Variants in DOCK3 observed in about 807,000 individuals in gnomAD.
The protein encoded by DOCK3 is dedicator of cytokinesis 3, also known as dedicator of cytokinesis protein 3.
Under a neutral mutation model 265.6 loss-of-function variants are expected in DOCK3, and 60 were observed. That is an observed-to-expected ratio of 0.23 (90% confidence interval 0.18 to 0.28). DOCK3 has a LOEUF of 0.28. DOCK3 is among the 10% of genes least tolerant of loss of function. The pLI is 1.00. For missense variants in DOCK3, 1,981 were observed against 2,594.3 expected, an observed-to-expected ratio of 0.76 and a Z score of 5.14; for synonymous variants, 881 against 938.0, an observed-to-expected ratio of 0.94 and a Z score of 1.11.
intron 1 of DOCK3, among the ~76,000 whole-genome samples, chr3:50,703,968 T>C (rs2036223024): frequency 6.6e-6 from 1 of 152,128 alleles, no homozygotes; most frequent in Non-Finnish European, 1.5e-5. Context: ...GATTTAGGTA[T>C]TTTATTTTTC....
At chr3:51,210,225 T>G (rs1374521164) in intron 13 of DOCK3, among the ~76,000 whole-genome samples, 3 of 152,168 alleles carry the variant, frequency 2.0e-5, no homozygotes, top group Non-Finnish European at 2.9e-5. Context: ...GATGATGAGT[T>G]TTGTCTTGCT....
At chr3:51,288,605 G>GA (rs933477164) in intron 27 of DOCK3, among the ~76,000 whole-genome samples, 7 of 151,834 alleles carry the variant, frequency 4.6e-5, no homozygotes, top group African/African-American at 1.7e-4. Flanking sequence ...AATAAAAAAA[G>GA]AAAAAAGCTA....
intron 1 of DOCK3, among the ~76,000 whole-genome samples, chr3:50,682,293 C>T (rs1305425645): frequency 6.6e-6 from 1 of 152,216 alleles, no homozygotes; most frequent in Admixed American, 6.5e-5. Context: ...CCAGGTTCTT[C>T]TGTTTGTACT....
At chr3:50,741,868 T>C (rs1450906287) in intron 1 of DOCK3, among the ~76,000 whole-genome samples, 1 of 152,208 alleles carries the variant, frequency 6.6e-6, no homozygotes, top group Non-Finnish European at 1.5e-5. Context: ...CCACAAGGGT[T>C]GAACTAGTTT....
chr3:50,698,453 A>G lies in DOCK3; in HGVS notation c.37+23153A>G, dbSNP rs1399356341. Among the ~76,000 whole-genome samples, 3 of 126,288 alleles carry G rather than the reference A, an allele frequency of 2.4e-5. No homozygotes were observed. In the Admixed American group the frequency reaches 2.7e-4, roughly 11 times the overall value. 82.8% of individuals were successfully genotyped at this position (126,288 alleles called of 152,430 possible). A position where few individuals can be genotyped will look rare whatever the true frequency, so the allele number is the denominator to read the frequency against. On this transcript the variant is annotated intron_variant, in intron 1 of 52. Transcript: ENST00000266037. ...GATTGTTTCTACTTTTTCATTTTTC[A>G]TCGTTATGAATAATTATGCTATGGA...
At chr3:50,851,044 A>G (rs2046335936) in intron 3 of DOCK3, among the ~76,000 whole-genome samples, 1 of 152,190 alleles carries the variant, frequency 6.6e-6, no homozygotes. Context: ...TAGTGCTGGC[A>G]CAAGCACCAG....
Position 51,204,198 on chromosome 3 carries a change from C to T in DOCK3, c.1038-4576C>T, listed in dbSNP as rs1365890152. ...ATTAAACTAAAGAGCTTCTGCACAG[C>T]AAAAGAAACTACCATCAGAGTGAAC... On this transcript the variant is annotated intron_variant, in intron 12 of 52. Transcript: ENST00000266037. 1.0e-4 allele frequency among the ~76,000 whole-genome samples: 15 copies of T among 147,172 alleles called. No individual in the cohort carries two copies. In the East Asian group the frequency reaches 3.0e-3, roughly 29 times the overall value.
At chr3:50,774,649 A>G (rs934667935) in intron 1 of DOCK3, among the ~76,000 whole-genome samples, 20 of 152,038 alleles carry the variant, frequency 1.3e-4, no homozygotes, top group Non-Finnish European at 2.1e-4. Flanking sequence ...GATAAAGACA[A>G]TTTTATTTCC....
Position 50,806,472 on chromosome 3 carries a change from C to T in DOCK3, c.121+27714C>T, listed in dbSNP as rs2043424388. Among the ~76,000 whole-genome samples the T allele has an allele frequency of 2.6e-5, 4 of 151,210 alleles. 1 individual carries two copies. On this transcript the variant is annotated intron_variant, in intron 2 of 52. Transcript: ENST00000266037. ...TGGCCATGTAGCCAGGCCACTGGCC[C>T]CAGGGAATATTGGCTCCTTGTAGGC...
At chr3:51,222,693 G>A (rs1008075293) in intron 14 of DOCK3, among the ~76,000 whole-genome samples, 18 of 152,124 alleles carry the variant, frequency 1.2e-4, no homozygotes, top group African/African-American at 4.1e-4. Context: ...AAAATAAACT[G>A]CTTCAGTCTG....
At chr3:50,681,005 G>A (rs947797159) in intron 1 of DOCK3, among the ~76,000 whole-genome samples, 19 of 151,984 alleles carry the variant, frequency 1.3e-4, no homozygotes, top group Non-Finnish European at 1.3e-4. Flanking sequence ...TGTGGCCTGT[G>A]CTTTTGAGGT....
intron 4 of DOCK3, among the ~76,000 whole-genome samples, chr3:50,926,218 G>A (rs1292558869): frequency 6.6e-6 from 1 of 152,090 alleles, no homozygotes; most frequent in Non-Finnish European, 1.5e-5. Context: ...GGTATGCCAA[G>A]ATAATTCCAA....
chr3:51,336,381 A>C (rs1268072719), intron 35 of DOCK3, among the ~76,000 whole-genome samples: 1 of 151,588 alleles, frequency 6.6e-6, no homozygotes, highest in Non-Finnish European at 1.5e-5. Flanking sequence ...ACAGAGCTAG[A>C]GTTGCCAAGC....
intron 10 of DOCK3, among the ~76,000 whole-genome samples, chr3:51,149,132 T>A (rs1273736704): frequency 2.6e-5 from 4 of 152,322 alleles, no homozygotes; most frequent in South Asian, 4.1e-4. Context: ...ACTCATGATT[T>A]GGCTCTCTGT....
intron 23 of DOCK3, among the ~76,000 whole-genome samples, chr3:51,261,006 G>T (rs1333303060): frequency 6.6e-6 from 1 of 151,858 alleles, no homozygotes; most frequent in African/African-American, 2.4e-5. Context: ...GAAAAAAAAA[G>T]AAAATTTAGA....
intron 2 of DOCK3, among the ~76,000 whole-genome samples, chr3:50,782,805 C>T (rs192077435): frequency 3.3e-5 from 5 of 151,934 alleles, no homozygotes; most frequent in East Asian, 1.9e-4. Context: ...TTCCCCCCAC[C>T]GAGTCCCCAA....
At chr3:51,202,847 G>A (rs2088890993) in intron 12 of DOCK3, among the ~76,000 whole-genome samples, 1 of 151,398 alleles carries the variant, frequency 6.6e-6, no homozygotes, top group African/African-American at 2.5e-5. Context: ...ATGCTGGGAT[G>A]CAAGGCTGGT....
At chr3:50,744,827 C>A (rs909274219) in intron 1 of DOCK3, among the ~76,000 whole-genome samples, 1 of 152,198 alleles carries the variant, frequency 6.6e-6, no homozygotes, top group African/African-American at 2.4e-5. Context: ...ATTTGCTGAA[C>A]AGTCTGCCCT....
chr3:51,364,802 G>T (rs185877520), intron 49 of DOCK3, among the ~76,000 whole-genome samples: 1 of 152,240 alleles, frequency 6.6e-6, no homozygotes, highest in East Asian at 1.9e-4. Context: ...TAGATGTGTG[G>T]TATTATTTTT....
Sources: gnomAD v4.1 joint callset for allele counts (sites outside exome capture counted in the v4.1 genomes callset) on GRCh38, gnomAD v4.1.1 for gene constraint, MANE v1.5 for transcripts, NCBI Gene and HGNC (gene_info 2026-07-23, HGNC 2026-07-21) for gene names.